The following VCF1 variants were observed in gnomAD, a reference collection of about 807,000 sequenced individuals.
VCF1 encodes the protein protein VCF1.
chr17:73,230,622 C>T, the VCF1 span, among the ~76,000 whole-genome samples: 886 of 152,234 alleles, frequency 5.8e-3, 3 homozygotes, highest in South Asian at 0.011. Flanking sequence ...ATCTCCAACT[C>T]CTGACCTCAG....
At chr17:73,212,923 G>A in the VCF1 span, among the ~76,000 whole-genome samples, 2 of 151,848 alleles carry the variant, frequency 1.3e-5, no homozygotes, top group Non-Finnish European at 2.9e-5. Flanking sequence ...TTTTTTTAGG[G>A]TTAGGTAGAT....
the VCF1 span, among the ~76,000 whole-genome samples, chr17:73,224,840 C>CACAGGACAGGACAGG: frequency 4.6e-5 from 6 of 130,096 alleles, no homozygotes; most frequent in Non-Finnish European, 6.6e-5. Flanking sequence ...CACAGCACAG[C>CACAGGACAGGACAGG]ACAGGACAGG....
the VCF1 span, among the ~76,000 whole-genome samples, chr17:73,221,294 A>G: frequency 6.6e-6 from 1 of 151,634 alleles, no homozygotes; most frequent in African/African-American, 2.4e-5. Context: ...TACCTAGGTA[A>G]CAGAAGCTAG....
At chr17:73,227,387 T>A in the VCF1 span, 3 of 794,538 alleles carry the variant, frequency 3.8e-6, no homozygotes, top group Non-Finnish European at 5.6e-6. Flanking sequence ...TAATTCAGCA[T>A]ATGATATCCC....
At chr17:73,216,256 A>C in the VCF1 span, among the ~76,000 whole-genome samples, 1 of 152,186 alleles carries the variant, frequency 6.6e-6, no homozygotes, top group African/African-American at 2.4e-5. Context: ...GGAGGACAGA[A>C]AGAACTCCGG....
chr17:73,228,220 T>C, the VCF1 span, among the ~76,000 whole-genome samples: 3 of 152,248 alleles, frequency 2.0e-5, no homozygotes, highest in Non-Finnish European at 2.9e-5. Flanking sequence ...TAGAGGTCTG[T>C]ATGTACATGG....
chr17:73,228,153 C>G, the VCF1 span, among the ~76,000 whole-genome samples: 1 of 152,212 alleles, frequency 6.6e-6, no homozygotes, highest in Non-Finnish European at 1.5e-5. Context: ...CTGCACTGAC[C>G]AGCACAGATA....
chr17:73,223,080 G>A, the VCF1 span, among the ~76,000 whole-genome samples: 1 of 152,324 alleles, frequency 6.6e-6, no homozygotes, highest in South Asian at 2.1e-4. Flanking sequence ...CACTTTGGGA[G>A]GCCAAGGCAG....
At chr17:73,222,558 A>C in the VCF1 span, among the ~76,000 whole-genome samples, 5 of 152,046 alleles carry the variant, frequency 3.3e-5, no homozygotes, top group African/African-American at 4.8e-5. Flanking sequence ...CGGATGGATC[A>C]CCTAAGGTCA....
At chr17:73,227,337 C>T in the VCF1 span, 1 of 1,213,826 alleles carries the variant, frequency 8.2e-7, no homozygotes, top group Non-Finnish European at 1.1e-6. Context: ...AATTGCAAAC[C>T]ATAACAACAT....
chr17:73,215,428 G>A, the VCF1 span, among the ~76,000 whole-genome samples: 3 of 152,158 alleles, frequency 2.0e-5, no homozygotes, highest in Admixed American at 1.3e-4. Context: ...GACTACAGGC[G>A]CATGCCACCA....
At chr17:73,212,914 T>G in the VCF1 span, among the ~76,000 whole-genome samples, 1 of 152,160 alleles carries the variant, frequency 6.6e-6, no homozygotes, top group African/African-American at 2.4e-5. Context: ...ATTTTTTATT[T>G]TTTTTAGGGT....
At chr17:73,208,794 T>TG in the VCF1 span, 1 of 366,252 alleles carries the variant, frequency 2.7e-6, no homozygotes, top group Non-Finnish European at 5.2e-6. Flanking sequence ...TTACTTTACT[T>TG]GCAGAACTGT....
the VCF1 span, chr17:73,209,743 C>T: frequency 1.3e-6 from 2 of 1,543,040 alleles, no homozygotes; most frequent in Non-Finnish European, 1.7e-6. Flanking sequence ...GCTGCTGCTG[C>T]TCCCACCACT....
chr17:73,228,631 T>G, the VCF1 span, among the ~76,000 whole-genome samples: 1 of 152,196 alleles, frequency 6.6e-6, no homozygotes, highest in Non-Finnish European at 1.5e-5. Context: ...CTCCCCACCT[T>G]TCTCTTAGGA....
the VCF1 span, chr17:73,227,615 GA>G: frequency 2.0e-6 from 2 of 989,930 alleles, no homozygotes; most frequent in Non-Finnish European, 2.4e-6. Flanking sequence ...TACACTCCCT[GA>G]AATTAGGATT....
chr17:73,232,074 C>T, the VCF1 span: 2 of 1,592,068 alleles, frequency 1.3e-6, no homozygotes, highest in Non-Finnish European at 1.7e-6. Context: ...AAGGGGGTCC[C>T]TTCCCTCTCA....
chr17:73,217,523 A>T, the VCF1 span, among the ~76,000 whole-genome samples: 575 of 151,036 alleles, frequency 3.8e-3, no homozygotes, highest in South Asian at 0.01. Flanking sequence ...GGTGGCGTGC[A>T]CCTGCAGTCC....
the VCF1 span, among the ~76,000 whole-genome samples, chr17:73,211,057 T>C: frequency 2.0e-5 from 3 of 152,252 alleles, no homozygotes; most frequent in Non-Finnish European, 4.4e-5. Flanking sequence ...TATAATTGTT[T>C]TTTAAAACTT....
Sources: gnomAD v4.1 joint callset for allele counts (sites outside exome capture counted in the v4.1 genomes callset) on GRCh38, gnomAD v4.1.1 for gene constraint, MANE v1.5 for transcripts, NCBI Gene and HGNC (gene_info 2026-07-23, HGNC 2026-07-21) for gene names.